SLC24A2: variants seen among roughly 807,000 people sequenced by gnomAD.
SLC24A2 encodes solute carrier family 24 member 2.
Under a neutral mutation model 62.0 loss-of-function variants are expected in SLC24A2, and 36 were observed. That is an observed-to-expected ratio of 0.58 (90% CI 0.44 to 0.77). The LOEUF (loss-of-function observed/expected upper bound fraction) is 0.77, where lower values mean the gene tolerates loss of function less well. SLC24A2 is among the 30% of genes least tolerant of loss of function. The pLI is 0.00. For synonymous variants in SLC24A2, 358 were observed against 294.0 expected (o/e 1.22, Z -2.23); for missense variants, 846 against 817.9 (o/e 1.03, Z -0.42).
At chr9:20,190,515 T>C in the SLC24A2 span, among the ~76,000 whole-genome samples, 1 of 152,172 alleles carries the variant, frequency 6.6e-6, no homozygotes, top group Non-Finnish European at 1.5e-5. Flanking sequence ...ATACATCATA[T>C]ATTGTGCTCA....
the SLC24A2 span, among the ~76,000 whole-genome samples, chr9:19,883,751 G>C: frequency 1.3e-5 from 2 of 152,080 alleles, no homozygotes; most frequent in East Asian, 1.9e-4. Flanking sequence ...ATTTTTAGTA[G>C]AGTCGGGGTT....
chr9:20,070,890 C>G, the SLC24A2 span, among the ~76,000 whole-genome samples: 1 of 152,164 alleles, frequency 6.6e-6, no homozygotes, highest in Non-Finnish European at 1.5e-5. Context: ...CTGCCCAAAT[C>G]TCATGTCAAA....
At chr9:19,827,959 A>G in the SLC24A2 span, among the ~76,000 whole-genome samples, 1 of 152,158 alleles carries the variant, frequency 6.6e-6, no homozygotes, top group South Asian at 2.1e-4. Flanking sequence ...TCACATGTGC[A>G]TGTCCTCTGC....
rs1202851017 is a variant in SLC24A2, at chr9:19,547,813, A to C, written c.1479+2324T>G. Among the ~76,000 whole-genome samples the C allele has an allele frequency of 6.6e-5, 10 of 151,750 alleles. 1 individual carries two copies. Among genetic ancestry groups the C allele is most frequent in the African/African-American group, 2.4e-4 (10 of 41,004 alleles). On this transcript the variant is annotated intron_variant, in intron 8 of 10. Coordinates refer to ENST00000341998, the MANE Select transcript of SLC24A2 (RefSeq NM_020344.4). Reference sequence around the variant, plus strand: ...AGGGCCACACAAAAGCATTGGACTAAACAGCAGAGCAAGAGAGAGAGAGAG... The same window carrying C: ...AGGGCCACACAAAAGCATTGGACTACACAGCAGAGCAAGAGAGAGAGAGAG...
At chr9:19,575,346 C>G (rs1835976727) in intron 6 of SLC24A2, among the ~76,000 whole-genome samples, 1 of 152,190 alleles carries the variant, frequency 6.6e-6, no homozygotes, top group East Asian at 1.9e-4. Context: ...GTGATAAAAC[C>G]TTAGGATTAG....
the SLC24A2 span, among the ~76,000 whole-genome samples, chr9:20,017,250 T>C: frequency 6.6e-6 from 1 of 152,170 alleles, no homozygotes; most frequent in African/African-American, 2.4e-5. Context: ...CTCGAACTCC[T>C]GGCCTCAAGT....
At chr9:20,174,157 T>C in the SLC24A2 span, among the ~76,000 whole-genome samples, 1 of 151,998 alleles carries the variant, frequency 6.6e-6, no homozygotes, top group African/African-American at 2.4e-5. Flanking sequence ...TGTAGGAGAA[T>C]GAAACTAGAT....
At chr9:20,151,390 C>T in the SLC24A2 span, among the ~76,000 whole-genome samples, 2 of 152,028 alleles carry the variant, frequency 1.3e-5, no homozygotes, top group East Asian at 3.9e-4. Flanking sequence ...AGTGGCTTAA[C>T]ACAATCAATC....
intron 10 of SLC24A2, among the ~76,000 whole-genome samples, chr9:19,520,119 A>G (rs776945500): frequency 1.3e-5 from 2 of 152,216 alleles, no homozygotes; most frequent in Non-Finnish European, 2.9e-5. Flanking sequence ...TATTTAAGAT[A>G]TTCAATGAGA....
At chr9:19,531,484 G>A (rs143011811) in intron 8 of SLC24A2, among the ~76,000 whole-genome samples, 38 of 152,276 alleles carry the variant, frequency 2.5e-4, no homozygotes, top group African/African-American at 8.9e-4. Flanking sequence ...GCCATTTTGT[G>A]CCCATGTTGT....
chr9:19,934,780 A>C, the SLC24A2 span, among the ~76,000 whole-genome samples: 1 of 152,128 alleles, frequency 6.6e-6, no homozygotes, highest in African/African-American at 2.4e-5. The surrounding 1 kb of genome is among the most constrained non-coding windows in gnomAD (Gnocchi z 4.1). Context: ...GCCTCTACAG[A>C]GTAACGAACC....
the SLC24A2 span, among the ~76,000 whole-genome samples, chr9:19,894,209 T>C: frequency 6.6e-6 from 1 of 152,132 alleles, no homozygotes; most frequent in Admixed American, 6.5e-5. Context: ...CTAGAACCTT[T>C]CCGTCATCTC....
the SLC24A2 span, among the ~76,000 whole-genome samples, chr9:20,056,523 C>A: frequency 6.6e-6 from 1 of 152,172 alleles, no homozygotes; most frequent in Non-Finnish European, 1.5e-5. Context: ...CTTGAGTACA[C>A]AGCTTTTCTT....
the SLC24A2 span, among the ~76,000 whole-genome samples, chr9:20,286,080 C>A: frequency 6.6e-6 from 1 of 152,210 alleles, no homozygotes; most frequent in African/African-American, 2.4e-5. Flanking sequence ...TTTCCTGTTG[C>A]AAATCATCAT....
intron 2 of SLC24A2, among the ~76,000 whole-genome samples, chr9:19,704,481 A>G (rs1389585282): frequency 6.6e-6 from 1 of 152,212 alleles, no homozygotes; most frequent in African/African-American, 2.4e-5. Context: ...ACTGGAAATT[A>G]TTTAAATTTT....
chr9:19,917,892 G>T, the SLC24A2 span, among the ~76,000 whole-genome samples: 1 of 152,040 alleles, frequency 6.6e-6, no homozygotes, highest in Admixed American at 6.5e-5. Flanking sequence ...TATTATATAA[G>T]TGTGGACAAA....
the SLC24A2 span, among the ~76,000 whole-genome samples, chr9:19,916,703 A>T: frequency 2.9e-3 from 446 of 152,074 alleles, 7 homozygotes; most frequent in Admixed American, 0.021. Context: ...TTACAGCTGC[A>T]TTCTATTATA....
At chr9:19,831,448 A>C in the SLC24A2 span, among the ~76,000 whole-genome samples, 2 of 152,338 alleles carry the variant, frequency 1.3e-5, no homozygotes, top group South Asian at 4.1e-4. Flanking sequence ...GCTGGCAGAT[A>C]AAATAAGGCC....
rs1321396414 is a variant in SLC24A2 at position 19,507,828 on chromosome 9, G to T, written c.*8325C>A. On this transcript the variant is annotated 3_prime_UTR_variant, in exon 11 of 11. Transcript: ENST00000341998. Reference sequence around the variant, plus strand: ...TAGGGATGAGGATAGGGGTTACAATGCTCCTTTAAAACGGAGGCGAACAAA... The same window carrying T: ...TAGGGATGAGGATAGGGGTTACAATTCTCCTTTAAAACGGAGGCGAACAAA... The T allele has an allele frequency of 6.6e-6, 1 of 152,190 alleles. No individual in the cohort carries two copies. Among genetic ancestry groups the T allele is most frequent in the Non-Finnish European group, 1.5e-5 (1 of 68,036 alleles). The allele number at this position is 152,190 out of a possible 1,614,324, so 9.4% of individuals were successfully genotyped here.
Sources: allele counts gnomAD v4.1 joint callset (sites outside exome capture counted in the v4.1 genomes callset), GRCh38; gene constraint gnomAD v4.1.1; non-coding constraint Gnocchi (gnomAD v3.1); transcripts MANE v1.5; gene names NCBI Gene and HGNC (gene_info 2026-07-23, HGNC 2026-07-21).